Variants in CEPT1 observed in about 807,000 individuals in gnomAD.
CEPT1 encodes choline/ethanolamine phosphotransferase 1, also known as choline/ethanolaminephosphotransferase 1.
In CEPT1, 7 loss-of-function variants were observed where a neutral mutation model predicts 42.6. The ratio of observed to expected loss-of-function variants is 0.16; its 90% CI spans 0.09 to 0.31. The LOEUF is 0.31. Ranked by LOEUF, CEPT1 falls within the 10% of genes least tolerant of loss-of-function variation. The pLI, the probability that CEPT1 is intolerant of heterozygous loss-of-function variation, is 1.00. For synonymous variants in CEPT1, 171 were observed against 171.9 expected (o/e 0.99, Z 0.04); for missense variants, 306 against 502.1 (o/e 0.61, Z 3.73).
intron 4 of CEPT1, chr1:111,167,650 G>T: frequency 1.0e-6 from 1 of 976,044 alleles, no homozygotes; most frequent in Non-Finnish European, 1.2e-6. Flanking sequence ...AAGCAGTCTA[G>T]TACTAGTTCT....
intron 1 of CEPT1, among the ~76,000 whole-genome samples, chr1:111,146,081 T>C (rs973333945): frequency 1.1e-4 from 14 of 127,014 alleles, no homozygotes; most frequent in African/African-American, 3.9e-4. Context: ...AGATTCTTTC[T>C]TTTTTTTTTT....
At chr1:111,149,299 G>T (rs1655141268) in intron 2 of CEPT1, among the ~76,000 whole-genome samples, 1 of 122,186 alleles carries the variant, frequency 8.2e-6, no homozygotes, top group South Asian at 2.8e-4. Context: ...GTCTGCCTTT[G>T]TCACCCAGGC....
chr1:111,153,428 C>T (rs1271181009), intron 2 of CEPT1, among the ~76,000 whole-genome samples: 1 of 152,142 alleles, frequency 6.6e-6, no homozygotes, highest in East Asian at 1.9e-4. Flanking sequence ...AGATAATCCA[C>T]CTGCCTCAGC....
intron 1 of CEPT1, chr1:111,143,634 G>A (rs1053870993): frequency 2.0e-5 from 3 of 149,824 alleles, no homozygotes; most frequent in African/African-American, 7.4e-5. Context: ...TTTTCTTTTT[G>A]TTACTTGTAC....
At chr1:111,161,020 C>A in intron 3 of CEPT1, 135 bp from the exon 4 acceptor site, 1 of 821,778 alleles carries the variant, frequency 1.2e-6, no homozygotes, top group African/African-American at 1.7e-5. Flanking sequence ...TTATATCCTA[C>A]TTTTCTGTTA....
chr1:111,166,470 A>G (rs1656150266), intron 4 of CEPT1, among the ~76,000 whole-genome samples: 1 of 152,206 alleles, frequency 6.6e-6, no homozygotes, highest in Admixed American at 6.5e-5. Flanking sequence ...GAAAGAGGAA[A>G]AAGGAAAACT....
At chr1:111,153,338 A>G (rs1312995263) in intron 2 of CEPT1, among the ~76,000 whole-genome samples, 1 of 152,154 alleles carries the variant, frequency 6.6e-6, no homozygotes, top group Non-Finnish European at 1.5e-5. Flanking sequence ...CCTCCCAAGT[A>G]GCTGGCATTA....
At chr1:111,174,804 C>A in intron 4 of CEPT1, 75 bp from the exon 5 acceptor site, 1 of 900,952 alleles carries the variant, frequency 1.1e-6, no homozygotes, top group South Asian at 1.3e-5. Flanking sequence ...TAGAGGAATG[C>A]TGCTAAGCTT....
chr1:111,155,217 G>T (rs150963881), intron 2 of CEPT1, among the ~76,000 whole-genome samples: 1 of 152,018 alleles, frequency 6.6e-6, no homozygotes, highest in East Asian at 1.9e-4. Context: ...TAGGTTATAC[G>T]TGTCTAAAAG....
chr1:111,184,348 A>C lies in CEPT1; in HGVS notation c.*38A>C. The C allele has an allele frequency of 6.5e-7, 1 of 1,540,888 alleles. No homozygotes were observed. Among genetic ancestry groups the C allele is most frequent in the South Asian group, 1.2e-5 (1 of 85,612 alleles). On this transcript the variant is annotated 3_prime_UTR_variant, in exon 9 of 9. Transcript: ENST00000357172. ...TATATAGGAACATCATGTTTTCTGC[A>C]GGAAAGAAAGTAACATATTAAGGAG...
chr1:111,175,496 C>T (rs1656629543), intron 5 of CEPT1, among the ~76,000 whole-genome samples: 1 of 152,084 alleles, frequency 6.6e-6, no homozygotes, highest in Admixed American at 6.5e-5. Flanking sequence ...TTCCACAAAC[C>T]TCTGAGGTAG....
At chr1:111,159,889 C>G (rs954609395) in intron 3 of CEPT1, 1 of 161,716 alleles carries the variant, frequency 6.2e-6, no homozygotes, top group Non-Finnish European at 1.3e-5. Flanking sequence ...TGTAGACATT[C>G]AGAATTATGT....
intron 8 of CEPT1, among the ~76,000 whole-genome samples, chr1:111,183,905 A>T (rs546313679): frequency 6.6e-6 from 1 of 152,286 alleles, no homozygotes; most frequent in East Asian, 1.9e-4. Flanking sequence ...GTTTTATTGG[A>T]ACACAGCTAT....
At chr1:111,143,178 T>G (rs1654755287) in intron 1 of CEPT1, among the ~76,000 whole-genome samples, 1 of 152,206 alleles carries the variant, frequency 6.6e-6, no homozygotes, top group South Asian at 2.1e-4. Flanking sequence ...ATCCCATTCT[T>G]CCATCTGGTT....
chr1:111,150,524 G>C (rs1655211677), intron 2 of CEPT1, among the ~76,000 whole-genome samples: 1 of 152,048 alleles, frequency 6.6e-6, no homozygotes, highest in South Asian at 2.1e-4. Context: ...TTATCACCCA[G>C]GGAAATTCTC....
intron 5 of CEPT1, among the ~76,000 whole-genome samples, chr1:111,175,299 G>A (rs1050170580): frequency 1.1e-4 from 17 of 152,090 alleles, no homozygotes; most frequent in African/African-American, 3.6e-4. Context: ...AACTACATGA[G>A]TCTACTAGTT....
intron 1 of CEPT1, among the ~76,000 whole-genome samples, chr1:111,144,262 G>C (rs1654828568): frequency 3.9e-5 from 6 of 152,198 alleles, no homozygotes. Context: ...GAGTAGAGAT[G>C]AACCTGTGGT....
intron 4 of CEPT1, among the ~76,000 whole-genome samples, chr1:111,172,944 AT>A (rs1252854852): frequency 6.6e-6 from 1 of 152,244 alleles, no homozygotes; most frequent in Non-Finnish European, 1.5e-5. Context: ...AAAGTTTCAA[AT>A]GACTATTCTA....
chr1:111,167,299 C>G (rs1182154783), intron 4 of CEPT1: 7 of 981,638 alleles, frequency 7.1e-6, no homozygotes, highest in Non-Finnish European at 8.5e-6. Context: ...CAAAAGTCTT[C>G]CTGTTGGTAT....
Sources: allele counts gnomAD v4.1 joint callset (sites outside exome capture counted in the v4.1 genomes callset), GRCh38; gene constraint gnomAD v4.1.1; transcripts MANE v1.5; gene names NCBI Gene and HGNC (gene_info 2026-07-23, HGNC 2026-07-21).